SLC43A2: variants seen among roughly 807,000 people sequenced by gnomAD.
SLC43A2 encodes the protein large neutral amino acids transporter small subunit 4.
SLC43A2 carries 38 observed loss-of-function variants against 63.2 expected under a neutral mutation model. The observed-to-expected ratio is 0.60, with a 90% CI of 0.46 to 0.79. SLC43A2 has a LOEUF of 0.79. Among genes scored for constraint, SLC43A2 ranks in the 30% least tolerant of loss-of-function variants. The probability of loss-of-function intolerance (pLI) is 0.00; values close to 1 mark genes in which losing one functional copy is unlikely to be tolerated. For missense variants in SLC43A2, 644 were observed against 756.2 expected, an observed-to-expected ratio of 0.85 and a Z score of 1.74; for synonymous variants, 322 against 331.0, an observed-to-expected ratio of 0.97 and a Z score of 0.30.
At position 1,575,406 on chromosome 17, in the gene SLC43A2, G is replaced by C; in HGVS notation, c.*198C>G. 2 of 684,526 alleles carry C rather than the reference G, an allele frequency of 2.9e-6. No individual in the cohort carries two copies. The highest frequency in any genetic ancestry group is 3.8e-5 in the South Asian group (2 of 52,692). The allele number at this position is 684,526 out of a possible 1,614,324, so 42.4% of individuals were successfully genotyped here. On this transcript the variant is annotated 3_prime_UTR_variant, in exon 14 of 14. Transcript: ENST00000301335. ...AAAGTCAGGGCAGCCCCTGCGTTCGGCAGGAGAAAACGCGCGTGTCCGGGG... is the reference window on the plus strand; with the variant it reads ...AAAGTCAGGGCAGCCCCTGCGTTCGCCAGGAGAAAACGCGCGTGTCCGGGG...
At chr17:1,591,728 G>GT in intron 6 of SLC43A2, 29 bp from the exon 7 acceptor site, 14 of 922,554 alleles carry the variant, frequency 1.5e-5, no homozygotes, top group Non-Finnish European at 2.0e-5. Flanking sequence ...ACGGGGTGGG[G>GT]GGGGGAGGGG....
At position 1,572,561 on chromosome 17, in the gene SLC43A2, AG is replaced by A. The variant is rs1018098132; in HGVS notation, c.*3042del. 2.0e-5 allele frequency: 3 copies of A among 152,276 alleles called. No individual in the cohort carries two copies. Among genetic ancestry groups the A allele is most frequent in the Non-Finnish European group, 2.9e-5 (2 of 68,066 alleles). 9.4% of individuals were successfully genotyped at this position (152,276 alleles called of 1,614,324 possible). On this transcript the variant is annotated 3_prime_UTR_variant, in exon 14 of 14. Transcript: ENST00000301335. ...TTGTTATCAAGTCAAGGACAACAAT[AG>A]GAAAACATGTCACCTGTCAGCTCCA...
chr17:1,600,374 C>G (rs1421289610), intron 5 of SLC43A2, among the ~76,000 whole-genome samples: 1 of 149,220 alleles, frequency 6.7e-6, no homozygotes, highest in Non-Finnish European at 1.5e-5. Context: ...TGGTCTCAAA[C>G]TCTTGACCTC....
At chr17:1,626,408 T>TG (rs1377272631) in intron 2 of SLC43A2, among the ~76,000 whole-genome samples, 2 of 152,184 alleles carry the variant, frequency 1.3e-5, no homozygotes, top group South Asian at 4.1e-4. Flanking sequence ...CTTGCTGATG[T>TG]GGGGAAAGAC....
Position 1,575,300 on chromosome 17 carries a change from G to GAAA in SLC43A2, c.*303_*304insTTT. 2.1e-6 allele frequency: 1 copy of GAAA among 479,200 alleles called. No individual in the cohort carries two copies. The highest frequency in any genetic ancestry group is 2.2e-5 in the South Asian group (1 of 45,206). 29.7% of individuals were successfully genotyped at this position (479,200 alleles called of 1,614,324 possible). A position where few individuals can be genotyped will look rare whatever the true frequency, so the allele number is the denominator to read the frequency against. On this transcript the variant is annotated 3_prime_UTR_variant, in exon 14 of 14. Transcript: ENST00000301335. Reference sequence around the variant, plus strand: ...AGAATCCAGACACTGGCGGGAGAGCGCCTGCCTGCCGGGCGTTCCTGGCTC... The same window carrying GAAA: ...AGAATCCAGACACTGGCGGGAGAGCGAAACCTGCCTGCCGGGCGTTCCTGGCTC...
intron 5 of SLC43A2, among the ~76,000 whole-genome samples, chr17:1,599,559 G>A (rs1174770236): frequency 6.6e-6 from 1 of 151,634 alleles, no homozygotes; most frequent in African/African-American, 2.4e-5. Context: ...AAATTAGCTG[G>A]GCGTGGTGGC....
In SLC43A2 at chr17:1,606,291, C is replaced by T. The variant is rs376143658; in HGVS notation, c.501+6904G>A. Among the ~76,000 whole-genome samples the T allele has an allele frequency of 1.3e-5, 2 of 152,304 alleles. No homozygotes were observed. Among genetic ancestry groups the T allele is most frequent in the Admixed American group, 6.5e-5 (1 of 15,296 alleles). On this transcript the variant is annotated intron_variant, in intron 5 of 13. Coordinates refer to ENST00000301335, the MANE Select transcript of SLC43A2 (RefSeq NM_152346.3). The surrounding 1 kb of genome is among the most constrained non-coding windows in gnomAD (Gnocchi z 4.7). ...TCTCTGGGGGCATCTGCCATCCTGC[C>T]CTCCTCTCCAGGATCTGAAGAGGGA...
In SLC43A2 at chr17:1,582,161, C is replaced by T. The variant is rs577242146; in HGVS notation, c.1350+1043G>A. 4.6e-4 allele frequency among the ~76,000 whole-genome samples: 70 copies of T among 151,852 alleles called. 1 individual carries two copies. Among genetic ancestry groups the T allele is most frequent in the African/African-American group, 1.6e-3 (65 of 41,346 alleles). ...GTGGCGCGATCTCAGTTCACTGCAA[C>T]CTCCGCCTCCCAGGTTCAAATGATT... On this transcript the variant is annotated intron_variant, in intron 11 of 13. Transcript: ENST00000301335.
At chr17:1,581,970 C>A (rs1380897341) in intron 11 of SLC43A2, among the ~76,000 whole-genome samples, 1 of 151,826 alleles carries the variant, frequency 6.6e-6, no homozygotes, top group Admixed American at 6.6e-5. Flanking sequence ...CCACGCCCAG[C>A]TAATTTTTGT....
intron 2 of SLC43A2, among the ~76,000 whole-genome samples, chr17:1,622,316 C>CA (rs556143016): frequency 1.6e-3 from 250 of 152,294 alleles, no homozygotes; most frequent in African/African-American, 5.7e-3. Flanking sequence ...GTAATCCCAG[C>CA]ATTGTGGGAG....
chr17:1,576,976 T>G (rs2151026795), intron 12 of SLC43A2, among the ~76,000 whole-genome samples: 1 of 151,898 alleles, frequency 6.6e-6, no homozygotes, highest in Non-Finnish European at 1.5e-5. Context: ...ACAATTCTCC[T>G]GCCTCAGCCT....
intron 2 of SLC43A2, among the ~76,000 whole-genome samples, chr17:1,618,122 C>T (rs1907845382): frequency 6.6e-6 from 1 of 152,218 alleles, no homozygotes; most frequent in Non-Finnish European, 1.5e-5. Flanking sequence ...GGGGTTCCTC[C>T]AAGGTTACTG....
In SLC43A2 at chr17:1,575,582, C is replaced by T. The variant is rs781751249; in HGVS notation, c.*22G>A. 52 of 1,613,806 alleles carry T rather than the reference C, an allele frequency of 3.2e-5. No homozygotes were observed. The East Asian group carries it at 3.3e-4, about 10-fold the overall frequency. ...AGTCACTGAAGCACAGGCAGGAGAC[C>T]GCAGTTCCGAGGCGGCAGCCACTAC... On this transcript the variant is annotated 3_prime_UTR_variant, in exon 14 of 14. Transcript: ENST00000301335.
chr17:1,583,864 T>G lies in SLC43A2; in HGVS notation c.1218-528A>C, dbSNP rs1010955699. Among the ~76,000 whole-genome samples, 2 of 152,148 alleles carry G rather than the reference T, an allele frequency of 1.3e-5. No homozygotes were observed. Among genetic ancestry groups the G allele is most frequent in the Non-Finnish European group, 2.9e-5 (2 of 67,972 alleles). On this transcript the variant is annotated intron_variant, in intron 10 of 13. Coordinates refer to ENST00000301335, the MANE Select transcript of SLC43A2 (RefSeq NM_152346.3). The surrounding 1 kb of genome is among the most constrained non-coding windows in gnomAD (Gnocchi z 5.5). ...GGACCTGACCTAGATAGCACAGCAC[T>G]GTTTTTTGTTTTGTTTTGTTTTGTT...
intron 2 of SLC43A2, among the ~76,000 whole-genome samples, chr17:1,626,831 G>C (rs1013436785): frequency 2.0e-5 from 3 of 152,190 alleles, no homozygotes; most frequent in Non-Finnish European, 4.4e-5. Flanking sequence ...AGAAGGCAGA[G>C]GGAAAATTTC....
chr17:1,623,641 T>TGTACCCTCCTCTCCTCCAGGGC (rs1567651108), intron 2 of SLC43A2, among the ~76,000 whole-genome samples: 1 of 141,296 alleles, frequency 7.1e-6, no homozygotes, highest in Non-Finnish European at 1.5e-5. Context: ...TCCTCCAGGC[T>TGTACCCTCCTCTCCTCCAGGGC]GTACCCTCCT....
chr17:1,575,598 C>T lies in SLC43A2; in HGVS notation c.*6G>A. The T allele has an allele frequency of 6.2e-7, 1 of 1,613,958 alleles. No homozygotes were observed. Among genetic ancestry groups the T allele is most frequent in the Middle Eastern group, 1.6e-4 (1 of 6,062 alleles). ...GCAGGAGACCGCAGTTCCGAGGCGG[C>T]AGCCACTACACGAAGGCCTCCTGGT... On this transcript the variant is annotated 3_prime_UTR_variant, in exon 14 of 14. Transcript: ENST00000301335.
chr17:1,622,032 C>T (rs561863334), intron 2 of SLC43A2, among the ~76,000 whole-genome samples: 1 of 152,284 alleles, frequency 6.6e-6, no homozygotes, highest in African/African-American at 2.4e-5. Flanking sequence ...ACACCAGAAG[C>T]CAGGGGTGGC....
At chr17:1,613,410 G>A (rs917894001) in intron 4 of SLC43A2, 139 bp from the exon 5 acceptor site, 19 of 677,400 alleles carry the variant, frequency 2.8e-5, no homozygotes, top group Non-Finnish European at 4.2e-5. Flanking sequence ...GACATCTGGG[G>A]AGTGGAACTG....
Sources: gnomAD v4.1 joint callset for allele counts (sites outside exome capture counted in the v4.1 genomes callset) on GRCh38, gnomAD v4.1.1 for gene constraint, Gnocchi (gnomAD v3.1) non-coding constraint, MANE v1.5 for transcripts, NCBI Gene and HGNC (gene_info 2026-07-23, HGNC 2026-07-21) for gene names.